Variants in PCDH11X observed in about 807,000 individuals in gnomAD.
PCDH11X encodes protocadherin 11 X-linked.
Under a neutral mutation model 53.3 loss-of-function variants are expected in PCDH11X, and 18 were observed. The ratio of observed to expected loss-of-function variants is 0.34; its 90% CI spans 0.23 to 0.50. The LOEUF is 0.50. PCDH11X is among the 20% of genes least tolerant of loss of function. PCDH11X has a pLI of 0.98. For missense variants in PCDH11X, 570 were observed against 1,032.4 expected (o/e 0.55, Z 6.14); for synonymous variants, 279 against 393.3 (o/e 0.71, Z 3.44).
chrX:91,936,589 G>A, intron 6 of PCDH11X, among the ~76,000 whole-genome samples: 1 of 106,134 alleles, frequency 9.4e-6, no homozygotes, highest in East Asian at 2.9e-4. Context: ...ATATAGTTGA[G>A]AATGGTTCCT....
intron 10 of PCDH11X, among the ~76,000 whole-genome samples, chrX:92,568,346 T>C (rs1342940307): frequency 4.6e-5 from 5 of 107,729 alleles, no homozygotes; most frequent in East Asian, 2.9e-4. Context: ...AGCGTGAACG[T>C]GGGAGGCGGA....
chrX:92,274,035 G>C (rs1318334498), intron 8 of PCDH11X, among the ~76,000 whole-genome samples: 1 of 107,061 alleles, frequency 9.3e-6, no homozygotes, highest in Non-Finnish European at 1.9e-5. Flanking sequence ...GCTGAGAATG[G>C]TGAATAGGAG....
chrX:92,545,425 G>A (rs753609071), intron 10 of PCDH11X, among the ~76,000 whole-genome samples: 4 of 88,960 alleles, frequency 4.5e-5, no homozygotes, highest in Admixed American at 2.9e-4. Context: ...TTTTTGAGGC[G>A]GAGTCTCGCT....
intron 9 of PCDH11X, among the ~76,000 whole-genome samples, chrX:92,435,990 T>C (rs1000280637): frequency 9.1e-6 from 1 of 109,582 alleles, no homozygotes; most frequent in African/African-American, 3.3e-5. Context: ...AGGCACTGAG[T>C]GACAAGCTCC....
At chrX:91,950,785 C>A (rs935540175) in intron 6 of PCDH11X, among the ~76,000 whole-genome samples, 5 of 109,597 alleles carry the variant, frequency 4.6e-5, no homozygotes, top group African/African-American at 1.7e-4. Context: ...TGATCATTGT[C>A]CGCTTTGTTC....
In PCDH11X at chrX:92,607,527, C is replaced by A. The variant is rs757687341; in HGVS notation, c.3368-10737C>A. Reference sequence around the variant, plus strand: ...TTTCTTTTTGAAGTGATAAAGATGTCCCAGAATTGAGATGGTTGCACAATG... The same window carrying A: ...TTTCTTTTTGAAGTGATAAAGATGTACCAGAATTGAGATGGTTGCACAATG... On this transcript the variant is annotated intron_variant, in intron 10 of 10. Transcript: ENST00000682573. Among the ~76,000 whole-genome samples, 127 of 111,362 alleles carry A rather than the reference C, an allele frequency of 1.1e-3. No individual in the cohort carries two copies. In the Middle Eastern group the frequency reaches 0.028, roughly 25 times the overall value.
At chrX:92,426,996 C>T (rs886784883) in intron 9 of PCDH11X, among the ~76,000 whole-genome samples, 6 of 109,811 alleles carry the variant, frequency 5.5e-5, no homozygotes, top group Middle Eastern at 4.7e-3. Context: ...ATGCAGAAAA[C>T]GTTGCATTAT....
intron 4 of PCDH11X, among the ~76,000 whole-genome samples, chrX:91,824,958 C>T (rs1245209714): frequency 9.2e-6 from 1 of 109,130 alleles, no homozygotes; most frequent in African/African-American, 3.5e-5. Context: ...TGTGCCCCTG[C>T]TGGGGGGTGC....
intron 10 of PCDH11X, among the ~76,000 whole-genome samples, chrX:92,501,511 G>A (rs939166340): frequency 9.0e-6 from 1 of 111,586 alleles, no homozygotes; most frequent in Admixed American, 9.6e-5. Flanking sequence ...CCAGCAGCAC[G>A]TCAAAAAGCT....
intron 6 of PCDH11X, among the ~76,000 whole-genome samples, chrX:92,007,406 G>A (rs1336082353): frequency 3.6e-5 from 4 of 111,764 alleles, no homozygotes; most frequent in Middle Eastern, 4.6e-3. Flanking sequence ...AGGCCATGAG[G>A]TATACTGCCA....
chrX:92,562,480 C>A (rs1275757233), intron 10 of PCDH11X, among the ~76,000 whole-genome samples: 1 of 104,231 alleles, frequency 9.6e-6, no homozygotes, highest in Non-Finnish European at 1.9e-5. Flanking sequence ...GTTCAAAGTC[C>A]AAAGTCTCAT....
At chrX:92,315,297 A>C (rs1465662095) in intron 8 of PCDH11X, among the ~76,000 whole-genome samples, 1 of 112,157 alleles carries the variant, frequency 8.9e-6, no homozygotes, top group Non-Finnish European at 1.9e-5. Flanking sequence ...ATTGGCATCT[A>C]TCCATTAAAT....
At chrX:92,133,656 G>A (rs182722677) in intron 6 of PCDH11X, among the ~76,000 whole-genome samples, 27 of 112,421 alleles carry the variant, frequency 2.4e-4, no homozygotes, top group Non-Finnish European at 4.5e-4. Flanking sequence ...GTGAGCCACC[G>A]CTCCCTGCCA....
intron 6 of PCDH11X, among the ~76,000 whole-genome samples, chrX:91,993,009 A>G (rs1158890616): frequency 9.0e-6 from 1 of 111,497 alleles, no homozygotes; most frequent in African/African-American, 3.3e-5. Flanking sequence ...ACATTTAATG[A>G]GCACTTACAA....
intron 7 of PCDH11X, among the ~76,000 whole-genome samples, chrX:92,253,505 A>G (rs1479802913): frequency 8.9e-6 from 1 of 111,890 alleles, no homozygotes; most frequent in Admixed American, 9.5e-5. Context: ...TAGGGATTGC[A>G]TTGAATCTGT....
intron 10 of PCDH11X, among the ~76,000 whole-genome samples, chrX:92,524,827 G>A (rs1324996242): frequency 9.0e-6 from 1 of 111,257 alleles, no homozygotes; most frequent in East Asian, 2.8e-4. Flanking sequence ...ACAAGTGTAT[G>A]TGTATAGTAA....
intron 1 of PCDH11X, among the ~76,000 whole-genome samples, chrX:91,806,812 G>T (rs2563627): frequency 9.1e-6 from 1 of 110,302 alleles, no homozygotes; most frequent in Non-Finnish European, 1.9e-5. Context: ...CTGTATCTAC[G>T]CCATCACATA....
chrX:92,037,235 G>T (rs371859156), intron 6 of PCDH11X, among the ~76,000 whole-genome samples: 2,472 of 108,750 alleles, frequency 0.023, 68 homozygotes, highest in African/African-American at 0.079. Context: ...ACCGGCCCCA[G>T]TGTGTGATGT....
intron 6 of PCDH11X, among the ~76,000 whole-genome samples, chrX:92,019,660 G>C (rs2062852650): frequency 8.9e-6 from 1 of 111,952 alleles, no homozygotes; most frequent in South Asian, 3.7e-4. Context: ...TGAAGCTAAT[G>C]AGAAAAAAGA....
Sources: allele counts gnomAD v4.1 joint callset (sites outside exome capture counted in the v4.1 genomes callset), GRCh38; gene constraint gnomAD v4.1.1; transcripts MANE v1.5; gene names NCBI Gene and HGNC (gene_info 2026-07-23, HGNC 2026-07-21).